RPSA: variants seen among roughly 807,000 people sequenced by gnomAD.
RPSA encodes the protein ribosomal protein SA.
For missense variants in RPSA, 140 were observed against 372.8 expected, an observed-to-expected ratio of 0.38 and a Z score of 5.14; for synonymous variants, 103 against 126.7, an observed-to-expected ratio of 0.81 and a Z score of 1.25.
chr3:39,410,993 C>T lies in RPSA; in HGVS notation c.492C>T (p.Asn164=). 1.9e-6 allele frequency: 3 copies of T among 1,599,702 alleles called. No homozygotes were observed. Among genetic ancestry groups the T allele is most frequent in the Middle Eastern group, 1.7e-4 (1 of 6,060 alleles). ...LRYVDIAIPC[N]NKGAHSVGLM... ...ATGTGGACATTGCCATCCCATGCAA[C>T]AACAAGGTAATGATTTTAGGATCTA... is the stretch of plus-strand genomic sequence containing the variant. Residue 164 remains asparagine, a synonymous_variant, in exon 4 of 7, where the codon AAC becomes AAT. Transcript: ENST00000301821.
At chr3:39,407,139 C>T (rs1307794093) in intron 1 of RPSA, 1 of 377,644 alleles carries the variant, frequency 2.6e-6, no homozygotes, top group Non-Finnish European at 5.2e-6. Flanking sequence ...TCGGGTTTTC[C>T]CTTCGCGCCG....
At chr3:39,411,461 T>C in intron 4 of RPSA, 188 bp from the exon 5 acceptor site, 1 of 644,482 alleles carries the variant, frequency 1.6e-6, no homozygotes, top group Non-Finnish European at 2.6e-6. Flanking sequence ...GCATTTTTTT[T>C]TCAATCCCTA....
intron 3 of RPSA, among the ~76,000 whole-genome samples, chr3:39,409,203 T>TTTTTTC (rs1485773816): frequency 9.1e-6 from 1 of 110,438 alleles, no homozygotes; most frequent in Non-Finnish European, 2.0e-5. Flanking sequence ...TTTTTTTTTT[T>TTTTTTC]TTTTCCTTCA....
intron 3 of RPSA, among the ~76,000 whole-genome samples, chr3:39,409,691 C>T (rs754788333): frequency 6.6e-6 from 1 of 152,112 alleles, no homozygotes; most frequent in Non-Finnish European, 1.5e-5. Context: ...GAATCTTAGC[C>T]AGTCATGACG....
At chr3:39,408,026 A>C (rs1374461761) in intron 2 of RPSA, 1 of 485,326 alleles carries the variant, frequency 2.1e-6, no homozygotes. Flanking sequence ...AACATGAGAA[A>C]GTTCATTGGC....
chr3:39,408,565 C>G lies in RPSA; in HGVS notation c.134-41C>G, dbSNP rs574844853. On this transcript the variant is annotated intron_variant, in intron 2 of 6. Transcript: ENST00000301821. ...AGTAAACTTGAGAAGAATGTTTGCA[C>G]AGCCAGGTCAAGTGTTACAAATCCT... 1.1e-5 allele frequency: 12 copies of G among 1,094,280 alleles called. No individual in the cohort carries two copies. The South Asian group carries it at 1.4e-4, about 12-fold the overall frequency. The allele number at this position is 1,094,280 out of a possible 1,614,324, so 67.8% of individuals were successfully genotyped here. A position where few individuals can be genotyped will look rare whatever the true frequency, so the allele number is the denominator to read the frequency against.
rs1410928270 is a variant in RPSA at position 39,410,675 on chromosome 3, A to G, written c.253-79A>G. 1.1e-5 allele frequency: 17 copies of G among 1,549,390 alleles called. No homozygotes were observed. The East Asian group carries it at 3.4e-4, about 31-fold the overall frequency. ...TGGAGTAGTAGTGATTAAGTTGGCC[A>G]GTGCCCAGAAGTGCTTACTGGGTGC... On this transcript the variant is annotated intron_variant, in intron 3 of 6. Coordinates refer to ENST00000301821, the MANE Select transcript of RPSA (RefSeq NM_002295.6).
At chr3:39,408,872 G>C (rs2041960077) in intron 3 of RPSA, 148 bp downstream of exon 3, 2 of 590,860 alleles carry the variant, frequency 3.4e-6, no homozygotes, top group East Asian at 5.8e-5. Context: ...GTGGAGTCCG[G>C]CGTATTACGA....
At chr3:39,411,374 G>T in intron 4 of RPSA, 1 of 556,050 alleles carries the variant, frequency 1.8e-6, no homozygotes, top group Non-Finnish European at 3.2e-6. Flanking sequence ...GGTTGTGTGT[G>T]GTTCAGATTG....
intron 3 of RPSA, among the ~76,000 whole-genome samples, chr3:39,409,201 T>TTTTC (rs2041968192): frequency 7.8e-6 from 1 of 128,438 alleles, no homozygotes; most frequent in African/African-American, 2.6e-5. Context: ...TTTTTTTTTT[T>TTTTC]TTTTTTCCTT....
At chr3:39,411,316 G>T in intron 4 of RPSA, 2 of 625,452 alleles carry the variant, frequency 3.2e-6, no homozygotes, top group South Asian at 1.6e-5. Context: ...CTTGGCCTTT[G>T]TTTTCACACC....
In RPSA at chr3:39,411,930, C is replaced by T. The variant is rs1376540112; in HGVS notation, c.662C>T (p.Ala221Val). ...GAAGAGCAGGCTGCTGCTGAGAAGG[C>T]AGTGACCAAGGAGGAATTTCAGGGT... ...EKEEQAAAEK[A>V]VTKEEFQGEW... Residue 221 changes from alanine (A) to valine (V), a missense_variant, in exon 6 of 7, where the codon GCA becomes GTA. Ala to Val is a moderately conservative substitution (Grantham distance 64). Transcript: ENST00000301821. 2.5e-6 allele frequency: 4 copies of T among 1,599,630 alleles called. No homozygotes were observed. Among genetic ancestry groups the T allele is most frequent in the Non-Finnish European group, 3.4e-6 (4 of 1,179,938 alleles).
chr3:39,411,024 T>G, intron 4 of RPSA, 25 bp downstream of exon 4: 12 of 1,599,070 alleles, frequency 7.5e-6, no homozygotes, highest in Non-Finnish European at 1.0e-5. Flanking sequence ...ATCTAGAGTT[T>G]GTGAATGCGT....
chr3:39,412,107 C>G (rs894407936), intron 6 of RPSA, 46 bp downstream of exon 6: 1 of 1,572,288 alleles, frequency 6.4e-7, no homozygotes, highest in Non-Finnish European at 8.7e-7. Context: ...TTTGCAACTT[C>G]TCAGTTTTAT....
chr3:39,408,764 A>G, intron 3 of RPSA, 40 bp downstream of exon 3: 1 of 1,092,942 alleles, frequency 9.1e-7, no homozygotes, highest in Non-Finnish European at 1.4e-6. Context: ...TATAGAAATA[A>G]AGCTTACAGA....
chr3:39,408,549 G>C (rs369941023), intron 2 of RPSA, 57 bp from the exon 3 acceptor site: 25 of 1,000,744 alleles, frequency 2.5e-5, no homozygotes, highest in Non-Finnish European at 3.7e-5. Flanking sequence ...GAGTAAACTT[G>C]AGAAGAATGT....
At chr3:39,409,352 C>T (rs1430883919) in intron 3 of RPSA, among the ~76,000 whole-genome samples, 2 of 152,074 alleles carry the variant, frequency 1.3e-5, no homozygotes, top group Non-Finnish European at 2.9e-5. Context: ...CAGGCATGTG[C>T]CACCATGCCT....
Position 39,411,697 on chromosome 3 carries a change from C to T in RPSA, c.547C>T (p.Leu183=). 6.2e-7 allele frequency: 1 copy of T among 1,603,076 alleles called. No homozygotes were observed. The highest frequency in any genetic ancestry group is 1.3e-5 in the African/African-American group (1 of 75,014). ...LMWWMLAREV[L]RMRGTISREH... is the part of the protein sequence containing the mutation. ...GTGGTGGATGCTGGCTCGGGAAGTT[C>T]TGCGCATGCGTGGCACCATTTCCCG... Residue 183 remains leucine (L), a synonymous_variant, in exon 5 of 7, where the codon CTG becomes TTG. Coordinates refer to ENST00000301821, the MANE Select transcript of RPSA (RefSeq NM_002295.6).
At chr3:39,408,149 T>C (rs989372483) in intron 2 of RPSA, 7 of 368,448 alleles carry the variant, frequency 1.9e-5, no homozygotes, top group African/African-American at 6.3e-5. Context: ...CAATATGGTT[T>C]GGAAGAACCA....
Sources: allele counts gnomAD v4.1 joint callset (sites outside exome capture counted in the v4.1 genomes callset), GRCh38; gene constraint gnomAD v4.1.1; transcripts MANE v1.5; gene names NCBI Gene and HGNC (gene_info 2026-07-23, HGNC 2026-07-21).